The following GRID2 variants were observed in gnomAD, a reference collection of about 807,000 sequenced individuals.
GRID2 encodes the protein glutamate ionotropic receptor delta type subunit 2.
Under a neutral mutation model 114.8 loss-of-function variants are expected in GRID2, and 33 were observed. The ratio of observed to expected loss-of-function variants is 0.29; its 90% confidence interval spans 0.22 to 0.38. The LOEUF (loss-of-function observed/expected upper bound fraction) is 0.38, where lower values mean the gene tolerates loss of function less well. Among genes scored for constraint, GRID2 ranks in the 10% least tolerant of loss-of-function variants. The probability of loss-of-function intolerance (pLI) is 1.00; values close to 1 mark genes in which losing one functional copy is unlikely to be tolerated. For synonymous variants in GRID2, 505 were observed against 449.9 expected (o/e 1.12, Z -1.55); for missense variants, 1,184 against 1,257.7 (o/e 0.94, Z 0.89).
At chr4:93,416,056 A>G (rs568785953) in intron 9 of GRID2, among the ~76,000 whole-genome samples, 1 of 152,132 alleles carries the variant, frequency 6.6e-6, no homozygotes, top group South Asian at 2.1e-4. Context: ...AAATGTTTTC[A>G]TTGCATATCC....
chr4:92,536,048 A>C (rs781617632), intron 1 of GRID2, among the ~76,000 whole-genome samples: 30 of 152,318 alleles, frequency 2.0e-4, no homozygotes, highest in Admixed American at 6.5e-4. Context: ...CAGCATTAGG[A>C]TACATTGCAA....
chr4:93,289,402 A>G (rs1753504924), intron 8 of GRID2, among the ~76,000 whole-genome samples: 1 of 152,196 alleles, frequency 6.6e-6, no homozygotes, highest in South Asian at 2.1e-4. Flanking sequence ...GTTTATTGGA[A>G]TGCATTAGGG....
intron 2 of GRID2, among the ~76,000 whole-genome samples, chr4:92,862,774 T>C (rs11942563): frequency 0.042 from 6,343 of 152,196 alleles, 213 homozygotes; most frequent in East Asian, 0.17. Flanking sequence ...AATGCAGTTT[T>C]AGGTATCCTA....
intron 1 of GRID2, among the ~76,000 whole-genome samples, chr4:92,560,450 A>T (rs1205141655): frequency 6.6e-6 from 1 of 152,090 alleles, no homozygotes; most frequent in African/African-American, 2.4e-5. Context: ...TCTTTTCCCC[A>T]GCCCACATCA....
rs118075689 is a variant in GRID2 at position 93,124,199 on chromosome 4, G to A, written c.735+13246G>A. Among the ~76,000 whole-genome samples the A allele has an allele frequency of 3.9e-3, 598 of 152,106 alleles. 20 individuals are homozygous for A. The East Asian group carries it at 0.062, about 16-fold the overall frequency. On this transcript the variant is annotated intron_variant, in intron 4 of 15. Transcript: ENST00000282020. Reference sequence around the variant, plus strand: ...CTTAGAGAAGACACCAGTCATGGAAGGCAAGGACAGGCTAACATATGAAGG... The same window carrying A: ...CTTAGAGAAGACACCAGTCATGGAAAGCAAGGACAGGCTAACATATGAAGG...
At chr4:93,077,523 A>G (rs545472245) in intron 2 of GRID2, among the ~76,000 whole-genome samples, 2 of 152,320 alleles carry the variant, frequency 1.3e-5, no homozygotes, top group South Asian at 4.1e-4. Flanking sequence ...TAATTTTAAT[A>G]AATAGAATTT....
Position 92,350,230 on chromosome 4 carries a change from T to C in GRID2, c.88+45486T>C, listed in dbSNP as rs1203025520. On this transcript the variant is annotated intron_variant, in intron 1 of 15. Transcript: ENST00000282020. ...GCATTGGTGCTGAAAAGTCTACTCA[T>C]AATCTGCTATTCTTTCCCTTATAAC... Among the ~76,000 whole-genome samples, 5 of 151,992 alleles carry C rather than the reference T, an allele frequency of 3.3e-5. 1 individual carries two copies. The highest frequency in any genetic ancestry group is 6.8e-3 in the Middle Eastern group (2 of 294).
At chr4:93,321,835 C>G (rs928288740) in intron 8 of GRID2, among the ~76,000 whole-genome samples, 1 of 151,810 alleles carries the variant, frequency 6.6e-6, no homozygotes, top group Non-Finnish European at 1.5e-5. Context: ...CTTTACCCTC[C>G]TCCCAAACAA....
At chr4:93,447,122 G>A (rs1722164766) in intron 10 of GRID2, among the ~76,000 whole-genome samples, 1 of 151,816 alleles carries the variant, frequency 6.6e-6, no homozygotes, top group Non-Finnish European at 1.5e-5. Flanking sequence ...CTCATACACT[G>A]TTCCTAGAGC....
chr4:93,172,180 A>T (rs1738892564), intron 4 of GRID2, among the ~76,000 whole-genome samples: 1 of 152,108 alleles, frequency 6.6e-6, no homozygotes, highest in Admixed American at 6.5e-5. Context: ...ATTACCAGTG[A>T]TGTGTTCTTA....
At chr4:93,658,967 G>A (rs66529903) in intron 14 of GRID2, among the ~76,000 whole-genome samples, 22,795 of 152,036 alleles carry the variant, frequency 0.15, 1,747 homozygotes, top group African/African-American at 0.17. Flanking sequence ...CACTTCTGGG[G>A]AGACTCCAGG....
chr4:93,676,956 G>A (rs1044058795), intron 14 of GRID2, among the ~76,000 whole-genome samples: 15 of 152,042 alleles, frequency 9.9e-5, no homozygotes, highest in Admixed American at 4.6e-4. Flanking sequence ...CTCCATGCAC[G>A]AGCCGAAGCA....
chr4:92,769,538 G>A (rs951324208), intron 2 of GRID2, among the ~76,000 whole-genome samples: 1 of 152,174 alleles, frequency 6.6e-6, no homozygotes, highest in South Asian at 2.1e-4. Flanking sequence ...CCTAGCAGAG[G>A]TTCTCCATGA....
At chr4:92,384,735 T>G (rs943449330) in intron 1 of GRID2, among the ~76,000 whole-genome samples, 2 of 134,012 alleles carry the variant, frequency 1.5e-5, no homozygotes, top group African/African-American at 5.7e-5. Context: ...ATATTTTACT[T>G]GCTGAATTAG....
chr4:92,984,730 T>C (rs562746317), intron 2 of GRID2, among the ~76,000 whole-genome samples: 2 of 152,250 alleles, frequency 1.3e-5, no homozygotes, highest in East Asian at 3.9e-4. Context: ...ACATTGCACA[T>C]TGTGTTTGGT....
At chr4:93,573,251 T>C (rs1736097749) in intron 13 of GRID2, among the ~76,000 whole-genome samples, 1 of 152,184 alleles carries the variant, frequency 6.6e-6, no homozygotes, top group South Asian at 2.1e-4. Context: ...TACAACTCTT[T>C]TAAAGTATCT....
At chr4:93,326,229 T>C (rs978728688) in intron 8 of GRID2, among the ~76,000 whole-genome samples, 1 of 152,128 alleles carries the variant, frequency 6.6e-6, no homozygotes, top group Non-Finnish European at 1.5e-5. Flanking sequence ...GGGGCATGCC[T>C]AGACTTTCAA....
intron 8 of GRID2, among the ~76,000 whole-genome samples, chr4:93,284,031 T>C (rs1752904188): frequency 6.6e-6 from 1 of 152,088 alleles, no homozygotes; most frequent in South Asian, 2.1e-4. Context: ...AAACTAACAA[T>C]CATTTTTTCA....
At chr4:93,519,075 C>T (rs922863717) in intron 13 of GRID2, among the ~76,000 whole-genome samples, 18 of 152,142 alleles carry the variant, frequency 1.2e-4, no homozygotes, top group Admixed American at 2.0e-4. Context: ...CCTTTCTAAA[C>T]GTGAATCTCA....
Sources: gnomAD v4.1 joint callset for allele counts (sites outside exome capture counted in the v4.1 genomes callset) on GRCh38, gnomAD v4.1.1 for gene constraint, MANE v1.5 for transcripts, NCBI Gene and HGNC (gene_info 2026-07-23, HGNC 2026-07-21) for gene names.